PTPRR: variants seen among roughly 807,000 people sequenced by gnomAD.
PTPRR encodes the protein receptor-type tyrosine-protein phosphatase R.
PTPRR carries 38 observed loss-of-function variants against 77.2 expected under a neutral mutation model. The observed-to-expected ratio is 0.49, with a 90% CI of 0.38 to 0.65. The LOEUF is 0.65. Ranked by LOEUF, PTPRR falls within the 30% of genes least tolerant of loss-of-function variation. The pLI is 0.00. For missense variants in PTPRR, 744 were observed against 799.2 expected, an observed-to-expected ratio of 0.93 and a Z score of 0.83; for synonymous variants, 299 against 283.1, an observed-to-expected ratio of 1.06 and a Z score of -0.57.
chr12:70,689,671 T>C (rs117607385), intron 8 of PTPRR, among the ~76,000 whole-genome samples: 18 of 152,190 alleles, frequency 1.2e-4, no homozygotes, highest in African/African-American at 1.7e-4. Context: ...TATTGCACAC[T>C]CTCCACCAAG....
intron 8 of PTPRR, among the ~76,000 whole-genome samples, chr12:70,696,130 C>A (rs1888224425): frequency 6.6e-6 from 1 of 152,010 alleles, no homozygotes; most frequent in Non-Finnish European, 1.5e-5. Context: ...TGCCAAAACT[C>A]CAACTATATC....
At chr12:70,664,041 C>T (rs549310330) in intron 10 of PTPRR, among the ~76,000 whole-genome samples, 19 of 152,280 alleles carry the variant, frequency 1.2e-4, no homozygotes, top group African/African-American at 4.6e-4. Context: ...GCTAGCACAG[C>T]GAAGGAAGTC....
At chr12:70,733,480 A>AAAAAAAAAAAAAAAAAAAAAAAAATT (rs1565672451) in intron 6 of PTPRR, among the ~76,000 whole-genome samples, 2 of 85,806 alleles carry the variant, frequency 2.3e-5, no homozygotes, top group African/African-American at 1.1e-4. Context: ...CAAAAAAAAA[A>AAAAAAAAAAAAAAAAAAAAAAAAATT]AGAAAAAAAA....
intron 6 of PTPRR, among the ~76,000 whole-genome samples, chr12:70,717,940 C>T (rs1052229947): frequency 6.6e-6 from 1 of 151,978 alleles, no homozygotes; most frequent in South Asian, 2.1e-4. Context: ...CATATAAAAC[C>T]TGATAATTGG....
intron 2 of PTPRR, among the ~76,000 whole-genome samples, chr12:70,872,411 G>T (rs1482858467): frequency 1.3e-5 from 2 of 151,804 alleles, no homozygotes; most frequent in Non-Finnish European, 2.9e-5. Flanking sequence ...AATCCACCAA[G>T]TCAGCCGCTT....
intron 5 of PTPRR, among the ~76,000 whole-genome samples, chr12:70,752,180 T>C (rs532905163): frequency 1.3e-5 from 2 of 152,192 alleles, no homozygotes; most frequent in African/African-American, 4.8e-5. Context: ...TTATCTGTCT[T>C]GTTTTCTCCT....
rs114230899 is a variant in PTPRR at position 70,672,239 on chromosome 12, G to A, written c.1498-9634C>T. 1,271 of 1,589,960 alleles carry A rather than the reference G, an allele frequency of 8.0e-4. 13 individuals carry two copies. The African/African-American group carries it at 0.015, about 19-fold the overall frequency. On this transcript the variant is annotated intron_variant, in intron 10 of 13. Coordinates refer to ENST00000283228, the MANE Select transcript of PTPRR (RefSeq NM_002849.4). ...GGCTCCAGCCACATGGCCAGATAAG[G>A]TGGTGTGTGTGGGCATGAATTATGT... is the stretch of plus-strand genomic sequence containing the variant.
chr12:70,778,074 C>A (rs567100437), intron 2 of PTPRR, among the ~76,000 whole-genome samples: 1 of 152,138 alleles, frequency 6.6e-6, no homozygotes, highest in Non-Finnish European at 1.5e-5. Context: ...CATTTCAAAT[C>A]GCTTCTTTCA....
At chr12:70,723,019 A>G (rs186200014) in intron 6 of PTPRR, among the ~76,000 whole-genome samples, 2 of 152,308 alleles carry the variant, frequency 1.3e-5, no homozygotes, top group African/African-American at 2.4e-5. Context: ...GGGTCAACAA[A>G]TCACTGAGAA....
chr12:70,887,294 A>C (rs1453146149), intron 2 of PTPRR, among the ~76,000 whole-genome samples: 1 of 152,026 alleles, frequency 6.6e-6, no homozygotes, highest in East Asian at 1.9e-4. Flanking sequence ...TACTAAAAAT[A>C]CAAAAAATTT....
At position 70,672,407 on chromosome 12, in the gene PTPRR, T is replaced by C. The variant is rs1887265920; in HGVS notation, c.1498-9802A>G. 5 of 1,189,526 alleles carry C rather than the reference T, an allele frequency of 4.2e-6. No individual in the cohort carries two copies. In the Admixed American group the frequency reaches 8.5e-5, roughly 20 times the overall value. The allele number at this position is 1,189,526 out of a possible 1,614,324, so 73.7% of individuals were successfully genotyped here. A position where few individuals can be genotyped will look rare whatever the true frequency, so the allele number is the denominator to read the frequency against. ...GGTAGACTGGGAAGTGGAGCAGCTG[T>C]GGTCATTGGAAAGAAAGGCAAGCAC... On this transcript the variant is annotated intron_variant, in intron 10 of 13. Transcript: ENST00000283228.
At chr12:70,770,463 C>A (rs1456658324) in intron 2 of PTPRR, among the ~76,000 whole-genome samples, 1 of 152,118 alleles carries the variant, frequency 6.6e-6, no homozygotes, top group East Asian at 1.9e-4. Context: ...CAATGAGATA[C>A]CATCTCACAC....
intron 2 of PTPRR, among the ~76,000 whole-genome samples, chr12:70,830,355 G>A (rs1398179112): frequency 6.6e-6 from 1 of 152,092 alleles, no homozygotes; most frequent in Non-Finnish European, 1.5e-5. Flanking sequence ...CCAGTCTGAG[G>A]GAGGCTCCAC....
At chr12:70,664,839 A>G (rs1886924628) in intron 10 of PTPRR, among the ~76,000 whole-genome samples, 1 of 152,212 alleles carries the variant, frequency 6.6e-6, no homozygotes, top group African/African-American at 2.4e-5. Flanking sequence ...GCTTATTTTT[A>G]CACACTGAAT....
chr12:70,741,366 C>T (rs1273542861), intron 6 of PTPRR, among the ~76,000 whole-genome samples: 1 of 152,110 alleles, frequency 6.6e-6, no homozygotes, highest in African/African-American at 2.4e-5. Context: ...CGGGGAGCCT[C>T]CATACAGAAG....
At chr12:70,679,463 T>C (rs1433956548) in intron 10 of PTPRR, among the ~76,000 whole-genome samples, 1 of 152,218 alleles carries the variant, frequency 6.6e-6, no homozygotes, top group East Asian at 1.9e-4. Context: ...GGATGATCTG[T>C]CCATTGCTGA....
chr12:70,816,006 C>T (rs1303955962), intron 2 of PTPRR, among the ~76,000 whole-genome samples: 2 of 152,146 alleles, frequency 1.3e-5, no homozygotes, highest in Non-Finnish European at 2.9e-5. Context: ...AAAAGAAACA[C>T]TCTTTCCTGA....
At chr12:70,818,437 GA>G (rs746070068) in intron 2 of PTPRR, among the ~76,000 whole-genome samples, 77 of 152,048 alleles carry the variant, frequency 5.1e-4, no homozygotes, top group Non-Finnish European at 9.1e-4. Context: ...CGTACTATGG[GA>G]ATATGAGAGC....
chr12:70,733,755 A>T (rs972077382), intron 6 of PTPRR, among the ~76,000 whole-genome samples: 1 of 152,210 alleles, frequency 6.6e-6, no homozygotes, highest in African/African-American at 2.4e-5. Context: ...AAATAAATTG[A>T]AGTGTATATT....
Sources: allele counts gnomAD v4.1 joint callset (sites outside exome capture counted in the v4.1 genomes callset), GRCh38; gene constraint gnomAD v4.1.1; transcripts MANE v1.5; gene names NCBI Gene and HGNC (gene_info 2026-07-23, HGNC 2026-07-21).